Variants in RNF169 observed in about 807,000 individuals in gnomAD.
RNF169 encodes ring finger protein 169.
In RNF169, 24 loss-of-function variants were observed where a neutral mutation model predicts 53.9. That is an observed-to-expected ratio of 0.45 (90% CI 0.32 to 0.63). The LOEUF (loss-of-function observed/expected upper bound fraction) is 0.63. Among genes scored for constraint, RNF169 ranks in the 20% least tolerant of loss-of-function variants. RNF169 has a pLI of 0.04. For synonymous variants in RNF169, 396 were observed against 363.5 expected (o/e 1.09, Z -1.02); for missense variants, 883 against 906.2 (o/e 0.97, Z 0.33).
At chr11:74,792,988 A>G (rs1485665947) in intron 2 of RNF169, among the ~76,000 whole-genome samples, 3 of 152,230 alleles carry the variant, frequency 2.0e-5, no homozygotes, top group Non-Finnish European at 4.4e-5. Flanking sequence ...ATGGAAGTCT[A>G]AGCCATAACA....
At chr11:74,804,874 T>TA (rs1048614813) in intron 2 of RNF169, among the ~76,000 whole-genome samples, 11 of 152,072 alleles carry the variant, frequency 7.2e-5, no homozygotes, top group Non-Finnish European at 1.3e-4. Flanking sequence ...TAGTAAGGTT[T>TA]AAAAAAAAGG....
In RNF169 at chr11:74,748,932, G is replaced by T. The variant is rs767569860; in HGVS notation, c.52G>T (p.Ala18Ser). 5 of 1,465,308 alleles carry T rather than the reference G, an allele frequency of 3.4e-6. No individual in the cohort carries two copies. Among genetic ancestry groups the T allele is most frequent in the Non-Finnish European group, 4.6e-6 (5 of 1,098,314 alleles). The allele number at this position is 1,465,308 out of a possible 1,614,324, so 90.8% of individuals were successfully genotyped here. A position where few individuals can be genotyped will look rare whatever the true frequency, so the allele number is the denominator to read the frequency against. The change falls in exon 1 of 6, where the codon GCT becomes TCT. Residue 18 changes from alanine to serine, a missense_variant. By Grantham distance (99) the Ala-to-Ser change is moderately conservative (BLOSUM62 1). Transcript: ENST00000299563. Reference protein sequence around the residue: ...TRASSAAAAAALSRRGRRGRC... With the variant: ...TRASSAAAAASLSRRGRRGRC... ...GGCCTCTTCCGCGGCGGCAGCAGCC[G>T]CTCTGAGTCGGCGGGGCCGGCGGGG...
chr11:74,814,077 T>G (rs986549943), intron 3 of RNF169, among the ~76,000 whole-genome samples: 2 of 151,862 alleles, frequency 1.3e-5, no homozygotes, highest in African/African-American at 4.8e-5. Context: ...TCCCAGCACT[T>G]TGGGAGGCTG....
chr11:74,805,524 TA>T (rs1361375008), intron 2 of RNF169, among the ~76,000 whole-genome samples: 1 of 152,142 alleles, frequency 6.6e-6, no homozygotes, highest in Non-Finnish European at 1.5e-5. Context: ...TCTTATGATA[TA>T]AAAAATGAAT....
intron 4 of RNF169, chr11:74,830,993 A>T (rs1039051674): frequency 6.6e-6 from 1 of 152,204 alleles, no homozygotes; most frequent in Non-Finnish European, 1.5e-5. Flanking sequence ...GTAGGAAAAT[A>T]AGAGAACTTC....
chr11:74,815,448 C>G (rs1196063590), intron 3 of RNF169, among the ~76,000 whole-genome samples: 1 of 151,936 alleles, frequency 6.6e-6, no homozygotes, highest in Non-Finnish European at 1.5e-5. Context: ...CCCAGCTACT[C>G]AGGAGGCTGA....
intron 4 of RNF169, among the ~76,000 whole-genome samples, chr11:74,819,643 G>A (rs1196984104): frequency 1.3e-5 from 2 of 152,124 alleles, no homozygotes; most frequent in Non-Finnish European, 2.9e-5. Flanking sequence ...TGCAGCAGAG[G>A]GCCTCTAGGA....
chr11:74,768,631 A>G (rs1195868324), intron 1 of RNF169, among the ~76,000 whole-genome samples: 2 of 152,126 alleles, frequency 1.3e-5, no homozygotes, highest in Non-Finnish European at 2.9e-5. Flanking sequence ...AAGGTTGTAA[A>G]TGGATTAAAG....
chr11:74,756,689 C>T (rs143603959), intron 1 of RNF169, among the ~76,000 whole-genome samples: 46 of 152,144 alleles, frequency 3.0e-4, no homozygotes, highest in African/African-American at 9.9e-4. Flanking sequence ...GAACATGAAA[C>T]AAGGAGCGTT....
chr11:74,824,301 G>A (rs2036061169), intron 4 of RNF169, among the ~76,000 whole-genome samples: 1 of 152,032 alleles, frequency 6.6e-6, no homozygotes, highest in South Asian at 2.1e-4. Context: ...TTGAATATAG[G>A]TCAATTGAGA....
chr11:74,829,846 C>G (rs1257532616), intron 4 of RNF169, among the ~76,000 whole-genome samples: 1 of 151,924 alleles, frequency 6.6e-6, no homozygotes, highest in Admixed American at 6.6e-5. Context: ...CACACTGGGG[C>G]CTGCAGGAGA....
intron 1 of RNF169, among the ~76,000 whole-genome samples, chr11:74,758,505 CTTTTT>C (rs967760598): frequency 6.9e-6 from 1 of 143,896 alleles, no homozygotes; most frequent in African/African-American, 2.5e-5. Context: ...TCCATATGAA[CTTTTT>C]TTTTTTTTTG....
chr11:74,817,440 A>T lies in RNF169; in HGVS notation c.724-156A>T, dbSNP rs550970438. On this transcript the variant is annotated intron_variant, in intron 3 of 5. Transcript: ENST00000299563. The stretch of plus-strand genomic sequence containing the variant: ...TTTGATTTTGGATATATTGAATTTG[A>T]ACCACATTTGAGATTGGTATCTCCA... 3.9e-5 allele frequency among the ~76,000 whole-genome samples: 6 copies of T among 152,316 alleles called. No individual in the cohort carries two copies. In the East Asian group the frequency reaches 1.2e-3, roughly 29 times the overall value.
At position 74,836,657 on chromosome 11, in the gene RNF169, G is replaced by T; in HGVS notation, c.2054G>T (p.Arg685Leu). Residue 685 changes from arginine to leucine, a missense_variant, in exon 6 of 6, where the codon CGG becomes CTG. Around this residue, in one of 3 missense-constraint regions of RNF169, gnomAD observed 351 missense variants for 337.3 expected, o/e 1.04. Transcript: ENST00000299563. The part of the protein sequence containing the change: ...QLQRMFDNER[R>L]TVSRRKGSVD... ...CAGCGCATGTTCGACAATGAGAGGC[G>T]GACTGTGAGCCGGCGAAAAGGAAGT... 1 of 1,613,866 alleles carries T rather than the reference G, an allele frequency of 6.2e-7. No homozygotes were observed. The highest frequency in any genetic ancestry group is 8.5e-7 in the Non-Finnish European group (1 of 1,180,028).
intron 1 of RNF169, among the ~76,000 whole-genome samples, chr11:74,767,063 C>A (rs1481569048): frequency 6.6e-6 from 1 of 152,020 alleles, no homozygotes; most frequent in African/African-American, 2.4e-5. Flanking sequence ...CTGGTCTTAA[C>A]TTCTGACCTC....
At chr11:74,783,146 T>G (rs1304677197) in intron 1 of RNF169, among the ~76,000 whole-genome samples, 1 of 152,206 alleles carries the variant, frequency 6.6e-6, no homozygotes, top group Non-Finnish European at 1.5e-5. Flanking sequence ...GAGGTTCTTT[T>G]TTAAATTTTG....
intron 4 of RNF169, among the ~76,000 whole-genome samples, chr11:74,833,443 T>C (rs1376178095): frequency 1.3e-5 from 2 of 152,220 alleles, no homozygotes; most frequent in Non-Finnish European, 2.9e-5. Flanking sequence ...TATTCCTGTT[T>C]ATCCTTTGAA....
At chr11:74,753,906 C>T (rs1425625317) in intron 1 of RNF169, among the ~76,000 whole-genome samples, 1 of 152,014 alleles carries the variant, frequency 6.6e-6, no homozygotes, top group East Asian at 1.9e-4. Flanking sequence ...TTATTTAATT[C>T]TTTTATGCAT....
chr11:74,792,020 A>G (rs1163655285), intron 2 of RNF169, among the ~76,000 whole-genome samples: 1 of 152,240 alleles, frequency 6.6e-6, no homozygotes, highest in Non-Finnish European at 1.5e-5. Flanking sequence ...GTGTTTAACA[A>G]GGTCACATTA....
Sources: gnomAD v4.1 joint callset for allele counts (sites outside exome capture counted in the v4.1 genomes callset) on GRCh38, gnomAD v4.1.1 for gene constraint, gnomAD v4.1.1 regional missense constraint, MANE v1.5 for transcripts, NCBI Gene and HGNC (gene_info 2026-07-23, HGNC 2026-07-21) for gene names.